The following CFAP44 variants were observed in gnomAD, a reference collection of about 807,000 sequenced individuals.
The protein encoded by CFAP44 is cilia- and flagella-associated protein 44.
Under a neutral mutation model 216.2 loss-of-function variants are expected in CFAP44, and 134 were observed. The ratio of observed to expected loss-of-function variants is 0.62; its 90% confidence interval spans 0.54 to 0.72. CFAP44 has a LOEUF of 0.72. Among genes scored for constraint, CFAP44 ranks in the 30% least tolerant of loss-of-function variants. The probability of loss-of-function intolerance (pLI) is 0.00; values close to 1 mark genes in which losing one functional copy is unlikely to be tolerated. For missense variants in CFAP44, 2,035 were observed against 2,182.1 expected (o/e 0.93, Z 1.34); for synonymous variants, 700 against 727.6 (o/e 0.96, Z 0.61).
At chr3:113,314,261 A>C (rs576167616) in intron 28 of CFAP44, among the ~76,000 whole-genome samples, 1 of 152,214 alleles carries the variant, frequency 6.6e-6, no homozygotes, top group Non-Finnish European at 1.5e-5. Flanking sequence ...AAGACAAAGA[A>C]AAAGTCTTGA....
intron 8 of CFAP44, 33 bp from the exon 9 acceptor site, chr3:113,404,049 T>G: frequency 6.3e-7 from 1 of 1,595,730 alleles, no homozygotes; most frequent in Non-Finnish European, 8.5e-7. Context: ...AAATGTGCAT[T>G]AAAACAGGTA....
rs1375576331 is a variant in CFAP44 at position 113,330,627 on chromosome 3, A to C, written c.3657T>G (p.Ser1219=). Reference sequence around the variant, plus strand: ...CAACAGCCACTTTAAGGTCTCTAAGAGAGAGAATGCACTTGTTCATGTGCC... The same window carrying C: ...CAACAGCCACTTTAAGGTCTCTAAGCGAGAGAATGCACTTGTTCATGTGCC... ...NKRHMNKCIL[S]LRDLKVAVVE... Residue 1219 remains serine (S), a synonymous_variant, in exon 26 of 35, where the codon TCT becomes TCG. Coordinates refer to ENST00000393845, the MANE Select transcript of CFAP44 (RefSeq NM_001164496.2). 1 of 1,536,474 alleles carries C rather than the reference A, an allele frequency of 6.5e-7. No individual in the cohort carries two copies. The highest frequency in any genetic ancestry group is 1.4e-5 in the African/African-American group (1 of 72,952).
intron 30 of CFAP44, 111 bp downstream of exon 30, chr3:113,306,090 T>C: frequency 7.7e-7 from 1 of 1,304,912 alleles, no homozygotes; most frequent in Non-Finnish European, 1.0e-6. Flanking sequence ...ACATTTGAAA[T>C]GTTTCTTTTC....
At position 113,287,244 on chromosome 3, in the gene CFAP44, G is replaced by A; in HGVS notation, c.*4313C>T. On this transcript the variant is annotated 3_prime_UTR_variant, in exon 35 of 35. Coordinates refer to ENST00000393845, the MANE Select transcript of CFAP44 (RefSeq NM_001164496.2). ...CACGAGCATGAGGGAACAGCAAGGGGCACGGTATCACAGCCTGGAGACACC... is the reference window on the plus strand; with the variant it reads ...CACGAGCATGAGGGAACAGCAAGGGACACGGTATCACAGCCTGGAGACACC... The A allele has an allele frequency of 1.4e-5, 5 of 354,182 alleles. No individual in the cohort carries two copies. Among genetic ancestry groups the A allele is most frequent in the South Asian group, 1.1e-4 (5 of 45,772 alleles). 21.9% of individuals were successfully genotyped at this position (354,182 alleles called of 1,614,324 possible).
At position 113,304,122 on chromosome 3, in the gene CFAP44, A is replaced by G; in HGVS notation, c.4876-5T>C. 6.5e-7 allele frequency: 1 copy of G among 1,534,862 alleles called. No individual in the cohort carries two copies. Among genetic ancestry groups the G allele is most frequent in the Non-Finnish European group, 8.7e-7 (1 of 1,145,596 alleles). ...TCCAAATACCACATACTCTATCTAC[A>G]AGCATAAAACAAATCAAAAGAAAAT... On this transcript the variant is annotated splice_region_variant and splice_polypyrimidine_tract_variant and intron_variant, in intron 31 of 34. Coordinates refer to ENST00000393845, the MANE Select transcript of CFAP44 (RefSeq NM_001164496.2).
In CFAP44 at chr3:113,396,012, G is replaced by A. The variant is rs114999582; in HGVS notation, c.1780-152C>T. 1,704 of 587,258 alleles carry A rather than the reference G, an allele frequency of 2.9e-3. 28 individuals are homozygous for A. The African/African-American group carries it at 0.03, about 10-fold the overall frequency. The allele number at this position is 587,258 out of a possible 1,614,324, so 36.4% of individuals were successfully genotyped here. ...AGGAGAATTCTTATTTCTAAAACTT[G>A]CTCAATTTTCCCCATTAGAGCATTT... is the stretch of plus-strand genomic sequence containing the variant. On this transcript the variant is annotated intron_variant, in intron 14 of 34. Transcript: ENST00000393845.
At chr3:113,406,230 GTAA>G (rs1934274184) in intron 8 of CFAP44, among the ~76,000 whole-genome samples, 1 of 152,176 alleles carries the variant, frequency 6.6e-6, no homozygotes, top group Admixed American at 6.5e-5. Flanking sequence ...CTCTTTCTGA[GTAA>G]TAATCTGACA....
intron 2 of CFAP44, among the ~76,000 whole-genome samples, chr3:113,430,429 G>GAAAAAAAAAAAAAA (rs754983161): frequency 1.1e-4 from 8 of 74,174 alleles, no homozygotes; most frequent in Admixed American, 1.6e-4. Context: ...AAAAATAAAT[G>GAAAAAAAAAAAAAA]AAAAAAAAAA....
At chr3:113,432,413 G>A (rs1935129423) in intron 2 of CFAP44, among the ~76,000 whole-genome samples, 1 of 152,106 alleles carries the variant, frequency 6.6e-6, no homozygotes, top group Non-Finnish European at 1.5e-5. Flanking sequence ...AACTTAAAAA[G>A]TCAAGTAATG....
chr3:113,320,488 TAG>T (rs200840699), intron 28 of CFAP44, among the ~76,000 whole-genome samples: 8 of 99,498 alleles, frequency 8.0e-5, no homozygotes, highest in East Asian at 5.7e-4. Flanking sequence ...ATATGATATA[TAG>T]ATGTAATATA....
intron 18 of CFAP44, among the ~76,000 whole-genome samples, chr3:113,367,473 G>C (rs907981228): frequency 6.6e-6 from 1 of 152,184 alleles, no homozygotes; most frequent in South Asian, 2.1e-4. Flanking sequence ...AACTCCAACA[G>C]ACCTGCAGCT....
At chr3:113,321,961 A>G (rs569888992) in intron 28 of CFAP44, among the ~76,000 whole-genome samples, 17 of 152,346 alleles carry the variant, frequency 1.1e-4, no homozygotes, top group Admixed American at 1.0e-3. Context: ...TACAGATTCA[A>G]TGCTACTCCT....
chr3:113,406,981 A>G lies in CFAP44; in HGVS notation c.951T>C (p.Phe317=). ...CTATATCAGTAGTGATTGTTTTGCC[A>G]AATCGACCTAGTGATCCCTGCAGCT... The part of the protein sequence containing the change: ...GLKLQGSLGR[F]GKTITTDIEG... The change falls in exon 8 of 35, where the codon TTT becomes TTC. Residue 317 remains phenylalanine, a synonymous_variant. Transcript: ENST00000393845. 1 of 1,614,164 alleles carries G rather than the reference A, an allele frequency of 6.2e-7. No individual in the cohort carries two copies. Among genetic ancestry groups the G allele is most frequent in the Non-Finnish European group, 8.5e-7 (1 of 1,180,016 alleles).
chr3:113,302,534 G>C (rs1949946874), intron 32 of CFAP44, among the ~76,000 whole-genome samples: 2 of 148,998 alleles, frequency 1.3e-5, no homozygotes. Context: ...GGGAGGCCAA[G>C]GCAGGCAGAT....
chr3:113,358,214 C>A (rs1018654639), intron 22 of CFAP44, among the ~76,000 whole-genome samples: 2 of 151,982 alleles, frequency 1.3e-5, no homozygotes, highest in Non-Finnish European at 1.5e-5. Flanking sequence ...TTGTGGAGTG[C>A]TATAAATGTT....
chr3:113,350,431 A>G (rs1298803221), intron 22 of CFAP44, among the ~76,000 whole-genome samples: 1 of 152,244 alleles, frequency 6.6e-6, no homozygotes, highest in East Asian at 1.9e-4. Context: ...AAAGAGAGAA[A>G]GAGACAAAGA....
Position 113,291,157 on chromosome 3 carries a change from T to C in CFAP44, c.*400A>G. 1 of 167,272 alleles carries C rather than the reference T, an allele frequency of 6.0e-6. No homozygotes were observed. Among genetic ancestry groups the C allele is most frequent in the Non-Finnish European group, 1.3e-5 (1 of 76,106 alleles). 10.4% of individuals were successfully genotyped at this position (167,272 alleles called of 1,614,324 possible). A position where few individuals can be genotyped will look rare whatever the true frequency, so the allele number is the denominator to read the frequency against. ...AACATCTAAGTTTATTTTCTAAGGA[T>C]CAAGAAAACAAAGTTTTCTCATGAA... is the stretch of plus-strand genomic sequence containing the variant. On this transcript the variant is annotated 3_prime_UTR_variant, in exon 35 of 35. Transcript: ENST00000393845.
intron 5 of CFAP44, among the ~76,000 whole-genome samples, chr3:113,418,686 T>G (rs1934720195): frequency 6.6e-6 from 1 of 151,878 alleles, no homozygotes; most frequent in Non-Finnish European, 1.5e-5. Flanking sequence ...AGAGTTAGGA[T>G]TAGCTTTTGT....
chr3:113,319,188 C>T (rs1950118331), intron 28 of CFAP44, among the ~76,000 whole-genome samples: 1 of 152,066 alleles, frequency 6.6e-6, no homozygotes, highest in Non-Finnish European at 1.5e-5. Flanking sequence ...CTTCAAGAGG[C>T]CCATCTCAGA....
Sources: gnomAD v4.1 joint callset for allele counts (sites outside exome capture counted in the v4.1 genomes callset) on GRCh38, gnomAD v4.1.1 for gene constraint, MANE v1.5 for transcripts, NCBI Gene and HGNC (gene_info 2026-07-23, HGNC 2026-07-21) for gene names.